The following PPFIBP1 variants were observed in gnomAD, a reference collection of about 807,000 sequenced individuals.
PPFIBP1 encodes the protein PPFIB scaffold protein 1, also known as liprin-beta-1.
Under a neutral mutation model 137.8 loss-of-function variants are expected in PPFIBP1, and 112 were observed. That is an observed-to-expected ratio of 0.81 (90% CI 0.70 to 0.95). PPFIBP1 has a LOEUF of 0.95. PPFIBP1 is among the 40% of genes least tolerant of loss of function. PPFIBP1 has a pLI of 0.00. For missense variants in PPFIBP1, 1,083 were observed against 1,196.6 expected (o/e 0.91, Z 1.40); for synonymous variants, 378 against 417.3 (o/e 0.91, Z 1.15).
chr12:27,642,264 G>A (rs1026403890), intron 4 of PPFIBP1, among the ~76,000 whole-genome samples: 22 of 152,322 alleles, frequency 1.4e-4, no homozygotes, highest in African/African-American at 5.3e-4. Context: ...CTATTGGTTG[G>A]ATACTGTACT....
chr12:27,629,401 T>C (rs1471807749), intron 2 of PPFIBP1, among the ~76,000 whole-genome samples: 1 of 152,202 alleles, frequency 6.6e-6, no homozygotes, highest in Non-Finnish European at 1.5e-5. Flanking sequence ...CACTGGTGTC[T>C]CCTTTCAGTC....
rs747027101 is a variant in PPFIBP1, at chr12:27,635,083, G to C, written c.238G>C (p.Glu80Gln). Residue 80 changes from glutamate to glutamine, a missense_variant, in exon 4 of 30, where the codon GAA becomes CAA. Physicochemically the swap from Glu to Gln is conservative, Grantham distance 29. Coordinates refer to ENST00000228425, the MANE Select transcript of PPFIBP1 (RefSeq NM_003622.4). ...LRCQIPDSTA[E>Q]TLVEWLQSQM... ...ATGCCAGATCCCAGATTCAACAGCAGAAACGCTTGTTGAATGGCTTCAGAG... is the reference window on the plus strand; with the variant it reads ...ATGCCAGATCCCAGATTCAACAGCACAAACGCTTGTTGAATGGCTTCAGAG... 5 of 1,614,208 alleles carry C rather than the reference G, an allele frequency of 3.1e-6. No homozygotes were observed. Among genetic ancestry groups the C allele is most frequent in the Non-Finnish European group, 4.2e-6 (5 of 1,180,004 alleles).
chr12:27,646,648 A>T (rs1008648828), intron 5 of PPFIBP1, among the ~76,000 whole-genome samples: 25 of 152,190 alleles, frequency 1.6e-4, no homozygotes, highest in Non-Finnish European at 3.1e-4. Flanking sequence ...ATCTGAAATC[A>T]GAATATATAT....
At chr12:27,595,894 T>A (rs61915340) in intron 2 of PPFIBP1, among the ~76,000 whole-genome samples, 1,630 of 81,062 alleles carry the variant, frequency 0.02, 14 homozygotes, top group African/African-American at 0.03. Flanking sequence ...AAAATATATA[T>A]ATATATATAT....
In PPFIBP1 at chr12:27,660,802, A is replaced by G. The variant is rs112265299; in HGVS notation, c.845-82A>G. The G allele has an allele frequency of 2.5e-5, 39 of 1,531,162 alleles. 2 individuals are homozygous for G. The highest frequency in any genetic ancestry group is 1.9e-4 in the African/African-American group (14 of 71,800). 94.8% of individuals were successfully genotyped at this position (1,531,162 alleles called of 1,614,324 possible). On this transcript the variant is annotated intron_variant, in intron 10 of 29. Coordinates refer to ENST00000228425, the MANE Select transcript of PPFIBP1 (RefSeq NM_003622.4). ...ATCATTAACATCTTTACCTTAAAAT[A>G]TTTCAGTCTGGAGAGTAAATAACTT...
intron 2 of PPFIBP1, among the ~76,000 whole-genome samples, chr12:27,600,957 T>C (rs1403385928): frequency 1.3e-5 from 2 of 152,194 alleles, no homozygotes; most frequent in Non-Finnish European, 2.9e-5. Flanking sequence ...ATATTTATCA[T>C]TTTTTTGTGG....
At chr12:27,543,907 G>T (rs1458024834) in intron 1 of PPFIBP1, among the ~76,000 whole-genome samples, 2 of 124,842 alleles carry the variant, frequency 1.6e-5, no homozygotes, top group Admixed American at 9.5e-5. Flanking sequence ...TTAAGACAAG[G>T]TCTCACTCTG....
chr12:27,588,888 C>T (rs993779846), intron 2 of PPFIBP1, among the ~76,000 whole-genome samples: 11 of 152,180 alleles, frequency 7.2e-5, no homozygotes, highest in African/African-American at 2.4e-4. Flanking sequence ...ATTGTTTTGT[C>T]TTGGTACTTC....
intron 1 of PPFIBP1, among the ~76,000 whole-genome samples, chr12:27,553,542 G>C (rs1946993576): frequency 1.3e-5 from 2 of 152,190 alleles, no homozygotes; most frequent in Non-Finnish European, 2.9e-5. Flanking sequence ...GGCTGACCCT[G>C]TAGGAGTAAT....
At chr12:27,590,692 T>G (rs1458031782) in intron 2 of PPFIBP1, among the ~76,000 whole-genome samples, 2 of 152,192 alleles carry the variant, frequency 1.3e-5, no homozygotes, top group East Asian at 3.9e-4. Flanking sequence ...AGCAGGTTCT[T>G]TAAGGATGAG....
At chr12:27,564,211 G>A (rs1026983763) in intron 1 of PPFIBP1, among the ~76,000 whole-genome samples, 8 of 152,306 alleles carry the variant, frequency 5.3e-5, no homozygotes, top group Admixed American at 4.6e-4. Flanking sequence ...GTGAGACAGT[G>A]AGAAATTACT....
chr12:27,646,168 T>C lies in PPFIBP1; in HGVS notation c.357+20T>C. The C allele has an allele frequency of 6.4e-7, 1 of 1,559,844 alleles. No homozygotes were observed. The highest frequency in any genetic ancestry group is 8.8e-7 in the Non-Finnish European group (1 of 1,132,072). On this transcript the variant is annotated intron_variant, in intron 5 of 29. Transcript: ENST00000228425. ...CTTCAGGCAAGTGATTTTTAAATAC[T>C]GTTCTTTCCTTGCAGCATACTTACA...
intron 1 of PPFIBP1, among the ~76,000 whole-genome samples, chr12:27,559,271 C>T (rs928462193): frequency 3.9e-5 from 6 of 152,070 alleles, no homozygotes; most frequent in Non-Finnish European, 8.8e-5. Context: ...CAGGTTCATG[C>T]CGTTCTCCTG....
chr12:27,609,068 G>C (rs2054817228), intron 2 of PPFIBP1: 1 of 157,964 alleles, frequency 6.3e-6, no homozygotes. Flanking sequence ...GGAGGGTGTG[G>C]GCTGGGTGTC....
intron 27 of PPFIBP1, among the ~76,000 whole-genome samples, chr12:27,691,494 A>G (rs1002355120): frequency 6.6e-6 from 1 of 152,230 alleles, no homozygotes; most frequent in Admixed American, 6.5e-5. Context: ...GGCGTGAATA[A>G]GAAGAATAAG....
chr12:27,646,904 G>A (rs370012653), intron 5 of PPFIBP1, among the ~76,000 whole-genome samples: 1 of 152,208 alleles, frequency 6.6e-6, no homozygotes. Context: ...CAGCTCCTCA[G>A]GCACCTTTGG....
intron 1 of PPFIBP1, among the ~76,000 whole-genome samples, chr12:27,576,573 C>T (rs2050580266): frequency 1.3e-5 from 2 of 152,150 alleles, no homozygotes; most frequent in Admixed American, 1.3e-4. Flanking sequence ...AGGCCCAGCT[C>T]CTGTCTGCTC....
At chr12:27,651,761 A>G (rs1309594855) in intron 7 of PPFIBP1, among the ~76,000 whole-genome samples, 3 of 152,256 alleles carry the variant, frequency 2.0e-5, no homozygotes, top group East Asian at 1.9e-4. Context: ...CTTAATTTGT[A>G]TATGAGATGT....
At chr12:27,602,350 C>T (rs1476450838) in intron 2 of PPFIBP1, among the ~76,000 whole-genome samples, 1 of 152,196 alleles carries the variant, frequency 6.6e-6, no homozygotes, top group Non-Finnish European at 1.5e-5. Context: ...TTCATGTATG[C>T]ATACATTGTG....
Sources: gnomAD v4.1 joint callset for allele counts (sites outside exome capture counted in the v4.1 genomes callset) on GRCh38, gnomAD v4.1.1 for gene constraint, MANE v1.5 for transcripts, NCBI Gene and HGNC (gene_info 2026-07-23, HGNC 2026-07-21) for gene names.